Variants in CDH18 observed in about 807,000 individuals in gnomAD.
The protein encoded by CDH18 is cadherin-18.
Under a neutral mutation model 67.9 loss-of-function variants are expected in CDH18, and 31 were observed. That is an observed-to-expected ratio of 0.46 (90% CI 0.34 to 0.62). The LOEUF is 0.62. Ranked by LOEUF, CDH18 falls within the 20% of genes least tolerant of loss-of-function variation. The pLI is 0.01. For missense variants in CDH18, 890 were observed against 975.5 expected, an observed-to-expected ratio of 0.91 and a Z score of 1.17; for synonymous variants, 362 against 347.2, an observed-to-expected ratio of 1.04 and a Z score of -0.48.
At chr5:20,044,155 C>A in intron 2 of CDH18, among the ~76,000 whole-genome samples, 1 of 125,970 alleles carries the variant, frequency 7.9e-6, no homozygotes. Flanking sequence ...TTTTGTAAAT[C>A]AAGATTCTAT....
chr5:20,230,169 T>C (rs115198255), intron 2 of CDH18, among the ~76,000 whole-genome samples: 1 of 152,294 alleles, frequency 6.6e-6, no homozygotes, highest in Non-Finnish European at 1.5e-5. Flanking sequence ...TTGATGTCTC[T>C]GCTAATAATT....
chr5:20,511,154 G>T (rs993139328), intron 1 of CDH18, among the ~76,000 whole-genome samples: 15 of 152,064 alleles, frequency 9.9e-5, no homozygotes, highest in Middle Eastern at 3.4e-3. Context: ...ACATTAAAAA[G>T]AATTTGCATG....
At chr5:20,179,566 G>C (rs1737517876) in intron 2 of CDH18, among the ~76,000 whole-genome samples, 1 of 152,150 alleles carries the variant, frequency 6.6e-6, no homozygotes, top group South Asian at 2.1e-4. Context: ...AGCAGATCTT[G>C]AAACAGGGAC....
At chr5:20,160,094 T>C (rs147318459) in intron 2 of CDH18, among the ~76,000 whole-genome samples, 1,636 of 152,292 alleles carry the variant, frequency 0.011, 30 homozygotes, top group African/African-American at 0.037. Context: ...TAAAATGATA[T>C]CTCACAATGC....
At chr5:20,224,612 G>A (rs954547405) in intron 2 of CDH18, among the ~76,000 whole-genome samples, 1 of 149,488 alleles carries the variant, frequency 6.7e-6, no homozygotes, top group African/African-American at 2.5e-5. Context: ...CTTATTTTCT[G>A]CTAAATCTGC....
At chr5:20,551,227 TC>T (rs1167160957) in intron 1 of CDH18, among the ~76,000 whole-genome samples, 1 of 152,174 alleles carries the variant, frequency 6.6e-6, no homozygotes, top group Admixed American at 6.6e-5. Context: ...TTTCTCCTTA[TC>T]CTTTAAAGAT....
At chr5:20,506,968 T>G (rs972440179) in intron 1 of CDH18, among the ~76,000 whole-genome samples, 3 of 152,192 alleles carry the variant, frequency 2.0e-5, no homozygotes, top group African/African-American at 4.8e-5. Context: ...ATAGGCATCT[T>G]CTGATTACTC....
At chr5:19,768,515 G>C (rs1012343178) in intron 3 of CDH18, among the ~76,000 whole-genome samples, 2 of 151,890 alleles carry the variant, frequency 1.3e-5, no homozygotes, top group African/African-American at 4.8e-5. Flanking sequence ...GACAAAGGTG[G>C]AGTTGTAAAC....
At position 19,665,760 on chromosome 5, in the gene CDH18, G is replaced by A. The variant is rs917073827; in HGVS notation, c.644-53159C>T. On this transcript the variant is annotated intron_variant, in intron 5 of 12. Transcript: ENST00000382275. Reference sequence around the variant, plus strand: ...GAGAAGTGTGAGGAAGTTGACCTACGAGAGAAGTGTGTTGTTACAATGGGA... The same window carrying A: ...GAGAAGTGTGAGGAAGTTGACCTACAAGAGAAGTGTGTTGTTACAATGGGA... 2.6e-5 allele frequency among the ~76,000 whole-genome samples: 4 copies of A among 152,018 alleles called. No homozygotes were observed. In the South Asian group the frequency reaches 8.3e-4, roughly 32 times the overall value.
At chr5:20,495,814 CA>C (rs1239423822) in intron 1 of CDH18, among the ~76,000 whole-genome samples, 1 of 151,702 alleles carries the variant, frequency 6.6e-6, no homozygotes, top group Non-Finnish European at 1.5e-5. Context: ...AAAATAAAGT[CA>C]AAAGATAGCA....
At chr5:20,392,721 A>T (rs1249647968) in intron 1 of CDH18, among the ~76,000 whole-genome samples, 1 of 151,950 alleles carries the variant, frequency 6.6e-6, no homozygotes, top group Non-Finnish European at 1.5e-5. Flanking sequence ...AGAGAAAAAT[A>T]CAGTATATAG....
At chr5:20,002,170 T>G (rs888838356) in intron 2 of CDH18, among the ~76,000 whole-genome samples, 9 of 152,342 alleles carry the variant, frequency 5.9e-5, no homozygotes, top group Admixed American at 5.2e-4. Context: ...GTTTTGAATT[T>G]TACTTCACAC....
chr5:19,529,471 A>T (rs1486094943), intron 9 of CDH18, among the ~76,000 whole-genome samples: 1 of 152,098 alleles, frequency 6.6e-6, no homozygotes, highest in African/African-American at 2.4e-5. Context: ...CTTTAGGGTT[A>T]TAGTTAGAGT....
At chr5:19,691,094 G>A (rs999590623) in intron 5 of CDH18, among the ~76,000 whole-genome samples, 1 of 151,756 alleles carries the variant, frequency 6.6e-6, no homozygotes, top group African/African-American at 2.4e-5. Flanking sequence ...TGGAAGGCAT[G>A]CCAAGGATGC....
chr5:20,552,238 A>G (rs1414795280), intron 1 of CDH18, among the ~76,000 whole-genome samples: 1 of 151,662 alleles, frequency 6.6e-6, no homozygotes, highest in Non-Finnish European at 1.5e-5. Context: ...GCACTTCAGG[A>G]GACCGACATG....
intron 1 of CDH18, among the ~76,000 whole-genome samples, chr5:20,328,752 G>T (rs1375535567): frequency 1.3e-5 from 2 of 152,094 alleles, no homozygotes; most frequent in Non-Finnish European, 1.5e-5. Flanking sequence ...CCACCACTTT[G>T]GGAGGCCAAG....
intron 2 of CDH18, among the ~76,000 whole-genome samples, chr5:20,079,621 G>T (rs1744269147): frequency 6.6e-6 from 1 of 151,974 alleles, no homozygotes; most frequent in Non-Finnish European, 1.5e-5. Flanking sequence ...TTAGTTTTTT[G>T]AGAAACTTCA....
intron 3 of CDH18, among the ~76,000 whole-genome samples, chr5:19,800,189 A>G (rs1351848833): frequency 1.3e-5 from 2 of 152,108 alleles, no homozygotes; most frequent in Non-Finnish European, 2.9e-5. Context: ...CCTGTTTTGC[A>G]TTTTTCCTGA....
intron 2 of CDH18, among the ~76,000 whole-genome samples, chr5:19,856,231 T>C (rs1359542740): frequency 6.6e-6 from 1 of 152,224 alleles, no homozygotes; most frequent in Non-Finnish European, 1.5e-5. Flanking sequence ...CAAGACCTAC[T>C]AAAACTTTGA....
Sources: allele counts gnomAD v4.1 joint callset (sites outside exome capture counted in the v4.1 genomes callset), GRCh38; gene constraint gnomAD v4.1.1; transcripts MANE v1.5; gene names NCBI Gene and HGNC (gene_info 2026-07-23, HGNC 2026-07-21).